The following MARK3 variants were observed in gnomAD, a reference collection of about 807,000 sequenced individuals.
MARK3 encodes the protein MAP/microtubule affinity-regulating kinase 3.
A neutral mutation model predicts 90.1 loss-of-function variants in MARK3; 46 were observed. The observed-to-expected ratio is 0.51, with a 90% confidence interval of 0.40 to 0.65. The LOEUF is 0.65. Ranked by LOEUF, MARK3 falls within the 30% of genes least tolerant of loss-of-function variation. The pLI is 0.00. For synonymous variants in MARK3, 321 were observed against 332.6 expected (o/e 0.97, Z 0.38); for missense variants, 818 against 947.2 (o/e 0.86, Z 1.79).
intron 2 of MARK3, among the ~76,000 whole-genome samples, chr14:103,419,635 A>G (rs965929238): frequency 2.6e-5 from 4 of 152,154 alleles, no homozygotes; most frequent in African/African-American, 7.2e-5. Flanking sequence ...AAATGTAGCT[A>G]CAAAAGGAAG....
intron 3 of MARK3, among the ~76,000 whole-genome samples, chr14:103,448,068 C>T (rs1006858089): frequency 6.6e-6 from 1 of 152,134 alleles, no homozygotes; most frequent in Non-Finnish European, 1.5e-5. Flanking sequence ...CCACCGTGCT[C>T]GGCTGGTTTT....
At chr14:103,411,474 C>T (rs1241114972) in intron 2 of MARK3, among the ~76,000 whole-genome samples, 4 of 152,154 alleles carry the variant, frequency 2.6e-5, no homozygotes, top group Non-Finnish European at 5.9e-5. Context: ...AAGATACCTG[C>T]GTTAACACAT....
At chr14:103,415,252 A>G (rs982594557) in intron 2 of MARK3, among the ~76,000 whole-genome samples, 1 of 152,126 alleles carries the variant, frequency 6.6e-6, no homozygotes, top group Non-Finnish European at 1.5e-5. Flanking sequence ...AAGAATTATA[A>G]ACAAGATACA....
chr14:103,469,208 A>C (rs573742401), intron 12 of MARK3: 2 of 151,714 alleles, frequency 1.3e-5, no homozygotes, highest in African/African-American at 2.4e-5. Flanking sequence ...TTCAGATGGA[A>C]TCTGGCTCTG....
At position 103,448,926 on chromosome 14, in the gene MARK3, G is replaced by T; in HGVS notation, c.305G>T (p.Arg102Ile). The part of the protein sequence containing the change: ...LNPTSLQKLF[R>I]EVRIMKILNH... ...GTTTGTTTTTTTTTTTAGCTCTTCAGAGAAGTAAGAATAATGAAGATTTTA... is the reference window on the plus strand; with the variant it reads ...GTTTGTTTTTTTTTTTAGCTCTTCATAGAAGTAAGAATAATGAAGATTTTA... The change falls in exon 4 of 18, where the codon AGA becomes ATA. Residue 102 changes from arginine (R) to isoleucine (I), a missense_variant. Physicochemically the swap from Arg to Ile is moderately conservative, Grantham distance 97 (BLOSUM62 -3). Transcript: ENST00000429436. 2 of 1,560,832 alleles carry T rather than the reference G, an allele frequency of 1.3e-6. No homozygotes were observed. Among genetic ancestry groups the T allele is most frequent in the East Asian group, 2.3e-5 (1 of 43,864 alleles).
At chr14:103,394,766 G>T (rs2090472767) in intron 1 of MARK3, among the ~76,000 whole-genome samples, 1 of 152,100 alleles carries the variant, frequency 6.6e-6, no homozygotes, top group African/African-American at 2.4e-5. Context: ...TTTGTTCATA[G>T]AATTTTACAT....
At chr14:103,491,681 TATACCCGA>T in intron 14 of MARK3, 88 bp from the exon 15 acceptor site, 1 of 1,385,732 alleles carries the variant, frequency 7.2e-7, no homozygotes, top group Non-Finnish European at 9.8e-7. Flanking sequence ...CTGGATTTTT[TATACCCGA>T]TTTTCTCCAC....
chr14:103,439,163 GTA>G (rs2092789248), intron 3 of MARK3, among the ~76,000 whole-genome samples: 1 of 152,082 alleles, frequency 6.6e-6, no homozygotes, highest in African/African-American at 2.4e-5. Context: ...ATATAAATAT[GTA>G]TATGAGATGA....
At chr14:103,473,000 C>T (rs1048396587) in intron 12 of MARK3, among the ~76,000 whole-genome samples, 1 of 145,398 alleles carries the variant, frequency 6.9e-6, no homozygotes, top group Non-Finnish European at 1.5e-5. Flanking sequence ...GAGCGAGACT[C>T]CGTCTCGAAA....
At chr14:103,498,469 A>C (rs62006269) in intron 15 of MARK3, 33 bp from the exon 16 acceptor site, 2 of 1,103,214 alleles carry the variant, frequency 1.8e-6, no homozygotes, top group African/African-American at 1.9e-5. Flanking sequence ...TATTTTTGTT[A>C]ATTTTTTTTT....
In MARK3 at chr14:103,470,453, C is replaced by CAATTTTTTTTTTTTTTTTTTT. The variant is rs1299534465; in HGVS notation, c.1264+2267_1264+2268insAATTTTTTTTTTTTTTTTTTT. Among the ~76,000 whole-genome samples, 81 of 24,178 alleles carry CAATTTTTTTTTTTTTTTTTTT rather than the reference C, an allele frequency of 3.4e-3. 1 individual carries two copies. The highest frequency in any genetic ancestry group is 5.8e-3 in the Non-Finnish European group (70 of 12,014). The allele number at this position is 24,178 out of a possible 152,430, so 15.9% of individuals were successfully genotyped here. On this transcript the variant is annotated intron_variant, in intron 12 of 17. Transcript: ENST00000429436. ...CTATTCCAGGATTCAGGAACTAAATCTATTTTTTTTTTTTTTTTTGAGATG... is the reference window on the plus strand; with the variant it reads ...CTATTCCAGGATTCAGGAACTAAATCAATTTTTTTTTTTTTTTTTTTTATTTTTTTTTTTTTTTTTGAGATG...
intron 1 of MARK3, among the ~76,000 whole-genome samples, chr14:103,399,438 G>T (rs543871828): frequency 2.0e-5 from 3 of 152,094 alleles, no homozygotes; most frequent in Non-Finnish European, 4.4e-5. Flanking sequence ...GGTAGGGTGC[G>T]GTGGCTCACA....
intron 12 of MARK3, among the ~76,000 whole-genome samples, chr14:103,474,092 C>T (rs1167951278): frequency 6.6e-6 from 1 of 151,368 alleles, no homozygotes; most frequent in African/African-American, 2.4e-5. Context: ...GTAGTTTCAG[C>T]TACTCCGGAG....
chr14:103,411,843 G>A (rs1175701311), intron 2 of MARK3, among the ~76,000 whole-genome samples: 8 of 151,560 alleles, frequency 5.3e-5, no homozygotes, highest in South Asian at 2.1e-4. Flanking sequence ...GGATGGTCTC[G>A]ATCTCTTGAA....
chr14:103,502,360 G>A (rs2075716648), intron 17 of MARK3, among the ~76,000 whole-genome samples: 1 of 152,272 alleles, frequency 6.6e-6, no homozygotes, highest in African/African-American at 2.4e-5. Context: ...GGTGGGTAGA[G>A]CATCATGTTC....
At chr14:103,476,643 C>T (rs1345197579) in intron 13 of MARK3, among the ~76,000 whole-genome samples, 1 of 152,242 alleles carries the variant, frequency 6.6e-6, no homozygotes, top group East Asian at 1.9e-4. Flanking sequence ...TCTGTAAGCA[C>T]GTTTTTCCCT....
intron 1 of MARK3, among the ~76,000 whole-genome samples, chr14:103,399,142 C>T (rs987383525): frequency 6.6e-6 from 1 of 152,120 alleles, no homozygotes; most frequent in Admixed American, 6.5e-5. Flanking sequence ...AAATTTTTTA[C>T]GGACTTCCTG....
intron 14 of MARK3, among the ~76,000 whole-genome samples, chr14:103,484,258 A>T (rs1054996505): frequency 2.6e-5 from 4 of 151,392 alleles, no homozygotes; most frequent in Non-Finnish European, 4.4e-5. Flanking sequence ...GGTCACTGCA[A>T]CCTCCATCTC....
intron 17 of MARK3, among the ~76,000 whole-genome samples, chr14:103,500,633 C>CTT (rs397702067): frequency 1.4e-5 from 2 of 146,876 alleles, no homozygotes; most frequent in African/African-American, 5.0e-5. Flanking sequence ...TTTTGCTTTT[C>CTT]TTTTTTTTTT....
Sources: allele counts gnomAD v4.1 joint callset (sites outside exome capture counted in the v4.1 genomes callset), GRCh38; gene constraint gnomAD v4.1.1; transcripts MANE v1.5; gene names NCBI Gene and HGNC (gene_info 2026-07-23, HGNC 2026-07-21).